NR6A1: variants seen among roughly 807,000 people sequenced by gnomAD.
NR6A1 encodes the protein nuclear receptor subfamily 6 group A member 1.
Under a neutral mutation model 59.1 loss-of-function variants are expected in NR6A1, and 7 were observed. That is an observed-to-expected ratio of 0.12 (90% confidence interval 0.07 to 0.22). NR6A1 has a LOEUF of 0.22. Among genes scored for constraint, NR6A1 ranks in the 10% least tolerant of loss-of-function variants. NR6A1 has a pLI of 1.00. For missense variants in NR6A1, 468 were observed against 611.6 expected, an observed-to-expected ratio of 0.77 and a Z score of 2.48; for synonymous variants, 243 against 236.1, an observed-to-expected ratio of 1.03 and a Z score of -0.27.
intron 2 of NR6A1, among the ~76,000 whole-genome samples, chr9:124,608,570 T>G (rs1253738913): frequency 6.6e-6 from 1 of 152,246 alleles, no homozygotes; most frequent in African/African-American, 2.4e-5. Flanking sequence ...TGATTCTATG[T>G]CTTTGTTATT....
chr9:124,540,631 T>C (rs1385587048), intron 4 of NR6A1, among the ~76,000 whole-genome samples: 1 of 152,120 alleles, frequency 6.6e-6, no homozygotes, highest in Non-Finnish European at 1.5e-5. Flanking sequence ...GAAACCCGTC[T>C]CTACAAAAAA....
intron 2 of NR6A1, among the ~76,000 whole-genome samples, chr9:124,623,279 G>A (rs1158865019): frequency 2.0e-5 from 3 of 152,214 alleles, no homozygotes; most frequent in African/African-American, 7.2e-5. Flanking sequence ...ATTCAGGCAA[G>A]CAAAGAGCTA....
intron 2 of NR6A1, among the ~76,000 whole-genome samples, chr9:124,698,044 A>G (rs567062985): frequency 6.6e-6 from 1 of 152,330 alleles, no homozygotes; most frequent in South Asian, 2.1e-4. Context: ...GGAGACAAAA[A>G]GCAGACAGGA....
chr9:124,768,606 T>TA, intron 1 of NR6A1, among the ~76,000 whole-genome samples: 1 of 152,218 alleles, frequency 6.6e-6, no homozygotes, highest in Non-Finnish European at 1.5e-5. Flanking sequence ...ACCACTAACT[T>TA]AGACTAATGT....
chr9:124,676,201 T>C (rs1837954207), intron 2 of NR6A1, among the ~76,000 whole-genome samples: 1 of 152,178 alleles, frequency 6.6e-6, no homozygotes, highest in African/African-American at 2.4e-5. Context: ...TATCAAACAA[T>C]AACTCTTTAC....
intron 2 of NR6A1, among the ~76,000 whole-genome samples, chr9:124,729,146 A>T (rs1839813608): frequency 6.6e-6 from 1 of 152,200 alleles, no homozygotes; most frequent in Non-Finnish European, 1.5e-5. Context: ...ATCGTATCAT[A>T]AAAATAGAGA....
intron 2 of NR6A1, among the ~76,000 whole-genome samples, chr9:124,574,576 T>G (rs1310555510): frequency 6.6e-6 from 1 of 152,264 alleles, no homozygotes; most frequent in Non-Finnish European, 1.5e-5. Flanking sequence ...CTGTGAACAC[T>G]GAGCAACCTG....
chr9:124,519,171 G>A lies in NR6A1; in HGVS notation c.*3534C>T, dbSNP rs145295788. The A allele has an allele frequency of 1.4e-3, 215 of 152,398 alleles. 1 individual carries two copies. Among genetic ancestry groups the A allele is most frequent in the African/African-American group, 4.9e-3 (202 of 41,576 alleles). The allele number at this position is 152,398 out of a possible 1,614,324, so 9.4% of individuals were successfully genotyped here. A position where few individuals can be genotyped will look rare whatever the true frequency, so the allele number is the denominator to read the frequency against. On this transcript the variant is annotated 3_prime_UTR_variant, in exon 10 of 10. Coordinates refer to ENST00000487099, the MANE Select transcript of NR6A1 (RefSeq NM_033334.4). The stretch of plus-strand genomic sequence containing the variant: ...CCCTGAAAAAGGGTGGCAGGTGAGA[G>A]GCAGGTTGATGTGGAGTGGGTGACA...
At chr9:124,684,193 C>T (rs929155882) in intron 2 of NR6A1, among the ~76,000 whole-genome samples, 1 of 152,204 alleles carries the variant, frequency 6.6e-6, no homozygotes, top group Non-Finnish European at 1.5e-5. Context: ...TCTACCATCA[C>T]CCACTAAAAA....
At chr9:124,535,311 C>G (rs550522717) in intron 7 of NR6A1, among the ~76,000 whole-genome samples, 2 of 152,312 alleles carry the variant, frequency 1.3e-5, no homozygotes, top group East Asian at 3.9e-4. Context: ...GGTGCAGTGG[C>G]TCACACCTGT....
chr9:124,704,993 C>T (rs1839082899), intron 2 of NR6A1, among the ~76,000 whole-genome samples: 2 of 152,188 alleles, frequency 1.3e-5, no homozygotes, highest in South Asian at 4.1e-4. Context: ...ACCTTGGCCT[C>T]CCAAAGTGCT....
At position 124,535,864 on chromosome 9, in the gene NR6A1, C is replaced by T; in HGVS notation, c.1079+14G>A. On this transcript the variant is annotated intron_variant, in intron 7 of 9. Transcript: ENST00000487099. ...TGGTTGTTTGGTATTTCCTCCCCAG[C>T]CAGGAGGCCTCACCTGTGTAGTTCT... The T allele has an allele frequency of 6.2e-7, 1 of 1,613,270 alleles. No individual in the cohort carries two copies. The highest frequency in any genetic ancestry group is 8.5e-7 in the Non-Finnish European group (1 of 1,179,352).
intron 2 of NR6A1, among the ~76,000 whole-genome samples, chr9:124,604,571 C>A (rs77646465): frequency 2.0e-5 from 3 of 152,110 alleles, no homozygotes; most frequent in Non-Finnish European, 4.4e-5. Flanking sequence ...CACTTTGGGA[C>A]GCTGAGGCGG....
intron 2 of NR6A1, chr9:124,692,609 G>T: frequency 5.6e-6 from 2 of 359,642 alleles, no homozygotes; most frequent in Non-Finnish European, 6.4e-6. Context: ...CATGTCACAT[G>T]AGTTCACCAG....
chr9:124,720,424 T>C (rs1839531806), intron 2 of NR6A1, among the ~76,000 whole-genome samples: 1 of 152,188 alleles, frequency 6.6e-6, no homozygotes. Flanking sequence ...AAAATACATC[T>C]ATAGGGCAGA....
At chr9:124,704,953 C>CTAGA (rs1396054078) in intron 2 of NR6A1, among the ~76,000 whole-genome samples, 2 of 152,210 alleles carry the variant, frequency 1.3e-5, no homozygotes, top group Non-Finnish European at 2.9e-5. Context: ...CCAGGCTGGT[C>CTAGA]TAGAACTCCT....
intron 2 of NR6A1, among the ~76,000 whole-genome samples, chr9:124,665,683 C>T (rs1457419042): frequency 6.6e-6 from 1 of 152,156 alleles, no homozygotes; most frequent in Non-Finnish European, 1.5e-5. Flanking sequence ...TTTAATGACA[C>T]ATGCTATAAT....
chr9:124,733,362 C>G lies in NR6A1; in HGVS notation c.101-13G>C, dbSNP rs1289426636. 1.2e-6 allele frequency: 2 copies of G among 1,608,060 alleles called. No individual in the cohort carries two copies. The highest frequency in any genetic ancestry group is 2.2e-5 in the East Asian group (1 of 44,804). On this transcript the variant is annotated splice_polypyrimidine_tract_variant and intron_variant, in intron 1 of 9. Transcript: ENST00000487099. The stretch of plus-strand genomic sequence containing the variant: ...TCCTGACAGAAACCTAAAGAGAAAA[C>G]AATAGGAAAAAAAATTACAATTTGT...
chr9:124,710,706 T>C (rs1187219578), intron 2 of NR6A1, among the ~76,000 whole-genome samples: 2 of 152,226 alleles, frequency 1.3e-5, no homozygotes, highest in Non-Finnish European at 2.9e-5. Flanking sequence ...ATTCAATGTT[T>C]ATAAACGAAT....
Sources: allele counts gnomAD v4.1 joint callset (sites outside exome capture counted in the v4.1 genomes callset), GRCh38; gene constraint gnomAD v4.1.1; transcripts MANE v1.5; gene names NCBI Gene and HGNC (gene_info 2026-07-23, HGNC 2026-07-21).